The following PCDH15 variants were observed in gnomAD, a reference collection of about 807,000 sequenced individuals.
The protein encoded by PCDH15 is protocadherin-15.
In PCDH15, 129 loss-of-function variants were observed where a neutral mutation model predicts 178.5. That is an observed-to-expected ratio of 0.72 (90% CI 0.63 to 0.84). The LOEUF is 0.84. Among genes scored for constraint, PCDH15 ranks in the 40% least tolerant of loss-of-function variants. The pLI, the probability that PCDH15 is intolerant of heterozygous loss-of-function variation, is 0.00. For missense variants in PCDH15, 2,230 were observed against 2,099.9 expected, an observed-to-expected ratio of 1.06 and a Z score of -1.21; for synonymous variants, 800 against 732.0, an observed-to-expected ratio of 1.09 and a Z score of -1.50.
intron 13 of PCDH15, among the ~76,000 whole-genome samples, chr10:54,182,235 A>G (rs762053084): frequency 2.0e-5 from 3 of 152,262 alleles, no homozygotes; most frequent in Non-Finnish European, 4.4e-5. Context: ...CCAAAGTGCT[A>G]GGATTACAGG....
At chr10:54,509,583 C>T (rs1444810459) in intron 3 of PCDH15, among the ~76,000 whole-genome samples, 2 of 152,170 alleles carry the variant, frequency 1.3e-5, no homozygotes, top group African/African-American at 2.4e-5. Context: ...TGTCAGTTCT[C>T]ATGAGTCTCT....
chr10:54,826,406 A>G (rs1048019839), intron 3 of PCDH15, among the ~76,000 whole-genome samples: 8 of 152,038 alleles, frequency 5.3e-5, no homozygotes, highest in Non-Finnish European at 1.2e-4. Flanking sequence ...TGAGGAGAAT[A>G]TAAGATGGCA....
intron 6 of PCDH15, among the ~76,000 whole-genome samples, chr10:54,333,838 C>T (rs918888296): frequency 2.6e-5 from 4 of 152,128 alleles, no homozygotes; most frequent in Admixed American, 6.6e-5. Flanking sequence ...CACTGTACTA[C>T]GTAAGTCTAA....
chr10:54,467,492 CA>C (rs1388263408), intron 3 of PCDH15, among the ~76,000 whole-genome samples: 1 of 150,450 alleles, frequency 6.6e-6, no homozygotes, highest in Non-Finnish European at 1.5e-5. Context: ...ATCTGTGGAA[CA>C]AATCCCATTT....
intron 2 of PCDH15, among the ~76,000 whole-genome samples, chr10:55,503,933 C>T (rs1840708595): frequency 6.6e-6 from 1 of 151,374 alleles, no homozygotes; most frequent in African/African-American, 2.4e-5. Flanking sequence ...TCTGAGAAGG[C>T]TACATACTCT....
chr10:54,850,255 A>T (rs1034576515), intron 3 of PCDH15, among the ~76,000 whole-genome samples: 18 of 152,178 alleles, frequency 1.2e-4, no homozygotes, highest in African/African-American at 4.3e-4. Flanking sequence ...GATAAAAATC[A>T]TAAGATGGTT....
chr10:54,860,580 C>A (rs1281662458), intron 3 of PCDH15, among the ~76,000 whole-genome samples: 4 of 152,074 alleles, frequency 2.6e-5, no homozygotes, highest in Non-Finnish European at 5.9e-5. Context: ...GCTTCAATAT[C>A]TTTGCTATTG....
intron 8 of PCDH15, among the ~76,000 whole-genome samples, chr10:54,246,413 A>G (rs1041241074): frequency 2.6e-5 from 4 of 151,910 alleles, no homozygotes; most frequent in Admixed American, 6.6e-5. Context: ...ATTGAATTAC[A>G]TAGTATAAAA....
At chr10:54,300,796 T>C (rs937040993) in intron 8 of PCDH15, among the ~76,000 whole-genome samples, 4 of 152,110 alleles carry the variant, frequency 2.6e-5, no homozygotes, top group Non-Finnish European at 5.9e-5. Context: ...AGCTAAAGGA[T>C]TGTAAATGCA....
intron 2 of PCDH15, among the ~76,000 whole-genome samples, chr10:54,956,546 C>T (rs1838492956): frequency 6.6e-6 from 1 of 150,978 alleles, no homozygotes; most frequent in South Asian, 2.1e-4. Flanking sequence ...TTCTACTTTG[C>T]CAAGGAAGAT....
At chr10:54,683,147 AT>A (rs1421934047) in intron 1 of PCDH15, among the ~76,000 whole-genome samples, 2 of 151,984 alleles carry the variant, frequency 1.3e-5, no homozygotes, top group Admixed American at 1.3e-4. Flanking sequence ...AATATTTTTA[AT>A]TTTTTTCATT....
At chr10:54,062,635 G>A (rs1465278408) in intron 18 of PCDH15, among the ~76,000 whole-genome samples, 2 of 151,944 alleles carry the variant, frequency 1.3e-5, no homozygotes, top group Admixed American at 1.3e-4. Context: ...ATTGCCTAAA[G>A]ACCAGGCTAA....
At chr10:54,121,247 C>A (rs1251321584) in intron 15 of PCDH15, among the ~76,000 whole-genome samples, 2 of 151,802 alleles carry the variant, frequency 1.3e-5, no homozygotes, top group Non-Finnish European at 2.9e-5. Context: ...TGAAATAAAT[C>A]AAAACAGAAA....
At chr10:54,747,227 C>G (rs551112759) in intron 1 of PCDH15, among the ~76,000 whole-genome samples, 55 of 152,292 alleles carry the variant, frequency 3.6e-4, no homozygotes, top group African/African-American at 1.2e-3. Flanking sequence ...ATGACGAGAT[C>G]CCTTTCAGAA....
rs922020612 is a variant in PCDH15 at position 53,990,391 on chromosome 10, C to A, written c.2868+5258G>T. On this transcript the variant is annotated intron_variant, in intron 21 of 37. Transcript: ENST00000644397. Reference sequence around the variant, plus strand: ...AGTATTTGGGAACTGATTTTAAAGTCCATAACTATTAAAAATTGCAAGAAT... The same window carrying A: ...AGTATTTGGGAACTGATTTTAAAGTACATAACTATTAAAAATTGCAAGAAT... Among the ~76,000 whole-genome samples, 5 of 151,404 alleles carry A rather than the reference C, an allele frequency of 3.3e-5. 1 individual carries two copies. The highest frequency in any genetic ancestry group is 3.3e-4 in the Admixed American group (5 of 15,182).
intron 2 of PCDH15, among the ~76,000 whole-genome samples, chr10:54,906,843 T>C (rs560255602): frequency 2.0e-5 from 3 of 152,302 alleles, no homozygotes; most frequent in African/African-American, 4.8e-5. Flanking sequence ...CCTAGGAATT[T>C]CTGTTTTCTC....
chr10:55,146,510 G>T (rs914549796), intron 2 of PCDH15, among the ~76,000 whole-genome samples: 2 of 151,896 alleles, frequency 1.3e-5, no homozygotes, highest in African/African-American at 4.8e-5. Flanking sequence ...AAGAAAAAAA[G>T]TTTCCTGATG....
At chr10:55,158,465 C>A (rs1452139590) in intron 2 of PCDH15, among the ~76,000 whole-genome samples, 4 of 151,908 alleles carry the variant, frequency 2.6e-5, no homozygotes, top group Non-Finnish European at 4.4e-5. Context: ...TTCTTAATGA[C>A]CCAAAAGTTA....
At chr10:55,068,541 T>C (rs145252764) in intron 2 of PCDH15, among the ~76,000 whole-genome samples, 178 of 152,270 alleles carry the variant, frequency 1.2e-3, no homozygotes, top group African/African-American at 4.1e-3. Flanking sequence ...CCTTCAGCTT[T>C]GTTTTATTTT....
Sources: gnomAD v4.1 joint callset for allele counts (sites outside exome capture counted in the v4.1 genomes callset) on GRCh38, gnomAD v4.1.1 for gene constraint, MANE v1.5 for transcripts, NCBI Gene and HGNC (gene_info 2026-07-23, HGNC 2026-07-21) for gene names.